HSPA12A: variants seen among roughly 807,000 people sequenced by gnomAD.
HSPA12A encodes the protein heat shock 70 kDa protein 12A.
In HSPA12A, 28 loss-of-function variants were observed where a neutral mutation model predicts 69.2. The observed-to-expected ratio is 0.40, with a 90% confidence interval of 0.30 to 0.55. The LOEUF is 0.55. Among genes scored for constraint, HSPA12A ranks in the 20% least tolerant of loss-of-function variants. The pLI is 0.38. For missense variants in HSPA12A, 686 were observed against 900.7 expected (o/e 0.76, Z 3.05); for synonymous variants, 345 against 370.5 (o/e 0.93, Z 0.79).
intron 10 of HSPA12A, among the ~76,000 whole-genome samples, chr10:116,677,901 CA>C (rs1849285322): frequency 6.6e-6 from 1 of 152,068 alleles, no homozygotes; most frequent in Admixed American, 6.5e-5. Flanking sequence ...CTTAAATCCT[CA>C]AATTCCTAAT....
chr10:116,721,854 C>T (rs1401733199), intron 1 of HSPA12A, among the ~76,000 whole-genome samples: 1 of 152,242 alleles, frequency 6.6e-6, no homozygotes, highest in Non-Finnish European at 1.5e-5. Context: ...TGGCTGCTCA[C>T]CCACGTTGGT....
At chr10:116,842,264 C>T (rs763934665) in intron 1 of HSPA12A, among the ~76,000 whole-genome samples, 2 of 152,194 alleles carry the variant, frequency 1.3e-5, no homozygotes, top group Non-Finnish European at 2.9e-5. Flanking sequence ...TCGATATTTA[C>T]AAGAGTCACA....
chr10:116,692,316 C>T (rs202207257), intron 6 of HSPA12A, 35 bp downstream of exon 6: 10 of 1,544,914 alleles, frequency 6.5e-6, no homozygotes, highest in Non-Finnish European at 8.9e-6. Flanking sequence ...GAGTCCTTCT[C>T]CTCCGGCTTC....
intron 1 of HSPA12A, among the ~76,000 whole-genome samples, chr10:116,740,193 A>G (rs1311330550): frequency 6.6e-6 from 1 of 152,174 alleles, no homozygotes; most frequent in Non-Finnish European, 1.5e-5. Flanking sequence ...AACACTTCCC[A>G]GATGTGTGAC....
At chr10:116,709,992 G>C (rs1554882908) in intron 1 of HSPA12A, among the ~76,000 whole-genome samples, 2 of 152,210 alleles carry the variant, frequency 1.3e-5, no homozygotes. Flanking sequence ...AATTGCTCTT[G>C]AAAAGAGAAT....
intron 5 of HSPA12A, among the ~76,000 whole-genome samples, chr10:116,694,762 T>A (rs1244939859): frequency 1.3e-5 from 2 of 152,200 alleles, no homozygotes; most frequent in East Asian, 3.9e-4. Flanking sequence ...CACCAGGCGC[T>A]GAGCCTGTCC....
chr10:116,774,290 TG>T (rs1355363770), intron 2 of HSPA12A, among the ~76,000 whole-genome samples: 1 of 152,094 alleles, frequency 6.6e-6, no homozygotes, highest in Non-Finnish European at 1.5e-5. Context: ...ATTACAGGCG[TG>T]AGCCACCGCG....
At chr10:116,798,396 C>T (rs1291168309) in intron 2 of HSPA12A, among the ~76,000 whole-genome samples, 3 of 152,196 alleles carry the variant, frequency 2.0e-5, no homozygotes, top group Non-Finnish European at 4.4e-5. Context: ...CTGCTGGCCA[C>T]TAAGACAGAC....
chr10:116,808,241 A>C (rs1845105885), intron 2 of HSPA12A, among the ~76,000 whole-genome samples: 1 of 131,900 alleles, frequency 7.6e-6, no homozygotes, highest in African/African-American at 2.8e-5. Flanking sequence ...ACAGTGGAGA[A>C]GGAGCTTGGC....
At chr10:116,843,490 C>T (rs1845834906) in intron 1 of HSPA12A, among the ~76,000 whole-genome samples, 1 of 152,172 alleles carries the variant, frequency 6.6e-6, no homozygotes. Flanking sequence ...ATGTCATTTC[C>T]TAGCAATTCT....
chr10:116,803,252 C>A (rs1844997313), intron 2 of HSPA12A, among the ~76,000 whole-genome samples: 1 of 152,228 alleles, frequency 6.6e-6, no homozygotes, highest in African/African-American at 2.4e-5. Flanking sequence ...CGGGAAGATG[C>A]CTGCCGACTC....
At chr10:116,730,471 T>A (rs1173231845) in intron 1 of HSPA12A, among the ~76,000 whole-genome samples, 1 of 152,134 alleles carries the variant, frequency 6.6e-6, no homozygotes, top group African/African-American at 2.4e-5. Context: ...GGGTGTTGAG[T>A]GCTATTTTAT....
intron 1 of HSPA12A, among the ~76,000 whole-genome samples, chr10:116,718,340 G>A (rs1589657341): frequency 6.6e-6 from 1 of 152,302 alleles, no homozygotes; most frequent in African/African-American, 2.4e-5. Context: ...GGAGGTAAGG[G>A]TAGGGAAGGT....
chr10:116,843,815 T>C (rs1845839491), intron 1 of HSPA12A, among the ~76,000 whole-genome samples: 1 of 152,180 alleles, frequency 6.6e-6, no homozygotes, highest in South Asian at 2.1e-4. Context: ...CGGTCTGGGA[T>C]AGGGCCCAAT....
intron 2 of HSPA12A, among the ~76,000 whole-genome samples, chr10:116,761,267 C>T (rs1237771765): frequency 3.9e-5 from 6 of 152,100 alleles, no homozygotes; most frequent in African/African-American, 1.4e-4. Context: ...AGGTGGATCA[C>T]TTGAGGTTAG....
intron 2 of HSPA12A, among the ~76,000 whole-genome samples, chr10:116,706,209 T>A (rs1477756380): frequency 7.1e-6 from 1 of 140,558 alleles, no homozygotes; most frequent in Non-Finnish European, 1.6e-5. Flanking sequence ...TTTTTTTTTT[T>A]AAGCAGTTTA....
rs1849138310 is a variant in HSPA12A at position 116,673,324 on chromosome 10, T to C, written c.*1457A>G. The C allele has an allele frequency of 1.1e-4, 16 of 151,996 alleles. No homozygotes were observed. Among genetic ancestry groups the C allele is most frequent in the Admixed American group, 1.0e-3 (16 of 15,256 alleles). The allele number at this position is 151,996 out of a possible 1,614,324, so 9.4% of individuals were successfully genotyped here. On this transcript the variant is annotated 3_prime_UTR_variant, in exon 12 of 12. Transcript: ENST00000369209. The stretch of plus-strand genomic sequence containing the variant: ...CCTCCCCTGGCCCTTCCTGTGAGGG[T>C]TAAAAGGGCCATCTCCAAGCCAGGT...
At chr10:116,827,503 C>T (rs1845530365) in intron 2 of HSPA12A, 1 of 152,246 alleles carries the variant, frequency 6.6e-6, no homozygotes, top group African/African-American at 2.4e-5. Flanking sequence ...GGTACAGACA[C>T]CGCCAGTGCT....
intron 5 of HSPA12A, among the ~76,000 whole-genome samples, chr10:116,695,636 GA>G (rs1849869690): frequency 6.6e-6 from 1 of 152,054 alleles, no homozygotes; most frequent in African/African-American, 2.4e-5. Context: ...CTAACATGGT[GA>G]AACCCCGTCT....
Sources: allele counts gnomAD v4.1 joint callset (sites outside exome capture counted in the v4.1 genomes callset), GRCh38; gene constraint gnomAD v4.1.1; transcripts MANE v1.5; gene names NCBI Gene and HGNC (gene_info 2026-07-23, HGNC 2026-07-21).